The following CLGN variants were observed in gnomAD, a reference collection of about 807,000 sequenced individuals.
CLGN encodes the protein testis tissue sperm-binding protein Li 79P.
A neutral mutation model predicts 79.1 loss-of-function variants in CLGN; 62 were observed. That is an observed-to-expected ratio of 0.78 (90% CI 0.64 to 0.97). The LOEUF is 0.97. CLGN is among the 50% of genes least tolerant of loss of function. CLGN has a pLI of 0.00. For synonymous variants in CLGN, 225 were observed against 224.7 expected (o/e 1.00, Z -0.01); for missense variants, 647 against 715.5 (o/e 0.90, Z 1.09).
intron 14 of CLGN, 28 bp from the exon 15 acceptor site, chr4:140,389,332 C>A: frequency 6.4e-7 from 1 of 1,558,000 alleles, no homozygotes; most frequent in Non-Finnish European, 8.8e-7. Flanking sequence ...GAAAAGGTTT[C>A]TTTTAGTATA....
intron 10 of CLGN, among the ~76,000 whole-genome samples, chr4:140,395,163 T>TG (rs1197523017): frequency 6.6e-6 from 1 of 151,180 alleles, no homozygotes; most frequent in Non-Finnish European, 1.5e-5. Flanking sequence ...TTTTTTGTTT[T>TG]TTTGTTTTGA....
chr4:140,422,457 A>G (rs1485829562), intron 1 of CLGN, among the ~76,000 whole-genome samples: 1 of 152,158 alleles, frequency 6.6e-6, no homozygotes, highest in Non-Finnish European at 1.5e-5. Context: ...ATAATTTTTC[A>G]TGTACAAGTA....
At position 140,393,962 on chromosome 4, in the gene CLGN, G is replaced by A; in HGVS notation, c.1229C>T (p.Ala410Val). Residue 410 changes from alanine (A) to valine (V), a missense_variant, in exon 11 of 15, where the codon GCT becomes GTT. Ala to Val is a moderately conservative substitution (Grantham distance 64, BLOSUM62 0). Coordinates refer to ENST00000325617, the MANE Select transcript of CLGN (RefSeq NM_004362.3). ...DHPFLLTSFSALGLELWSMTS... is the reference protein window; with the variant it reads ...DHPFLLTSFSVLGLELWSMTS... ...CATAGACCAAAGCTCTAAACCAAGA[G>A]CACTGAAAGAAGTCAGAAGAAATGG... 1.2e-6 allele frequency: 2 copies of A among 1,613,680 alleles called. No individual in the cohort carries two copies. Among genetic ancestry groups the A allele is most frequent in the Non-Finnish European group, 8.5e-7 (1 of 1,179,754 alleles).
intron 4 of CLGN, among the ~76,000 whole-genome samples, chr4:140,408,884 T>TATATACAC (rs778910042): frequency 2.7e-4 from 40 of 145,586 alleles, no homozygotes; most frequent in Admixed American, 7.6e-4. Context: ...TATATATATA[T>TATATACAC]ACACACACAC....
intron 6 of CLGN, among the ~76,000 whole-genome samples, chr4:140,401,155 G>A (rs557650835): frequency 3.3e-5 from 5 of 152,246 alleles, no homozygotes; most frequent in East Asian, 3.9e-4. Context: ...CATCACCTCT[G>A]AAGTATGGAG....
intron 6 of CLGN, among the ~76,000 whole-genome samples, chr4:140,401,376 A>T (rs1005188849): frequency 6.6e-6 from 1 of 152,096 alleles, no homozygotes; most frequent in Non-Finnish European, 1.5e-5. Flanking sequence ...TCCCATCTAC[A>T]TTTCATAGCT....
In CLGN at chr4:140,396,920, TATACAC is replaced by T. The variant is rs1445852564; in HGVS notation, c.885-721_885-716del. Among the ~76,000 whole-genome samples, 264 of 132,364 alleles carry T rather than the reference TATACAC, an allele frequency of 2.0e-3. 2 individuals are homozygous for T. The highest frequency in any genetic ancestry group is 4.0e-3 in the South Asian group (17 of 4,260). 86.8% of individuals were successfully genotyped at this position (132,364 alleles called of 152,430 possible). ...ATATATATATATGTATATATATATA[TATACAC>T]ATATATATATATACACATAGCTTCA... is the stretch of plus-strand genomic sequence containing the variant. On this transcript the variant is annotated intron_variant, in intron 8 of 14. Coordinates refer to ENST00000325617, the MANE Select transcript of CLGN (RefSeq NM_004362.3).
chr4:140,413,950 C>T lies in CLGN; in HGVS notation c.-9-863G>A, dbSNP rs535939009. On this transcript the variant is annotated intron_variant, in intron 1 of 14. Transcript: ENST00000325617. Reference sequence around the variant, plus strand: ...TAGCAGTAACCTCTGCAGACTTAAACGTCCCTGTCTGACAGCTTTGAAGAG... The same window carrying T: ...TAGCAGTAACCTCTGCAGACTTAAATGTCCCTGTCTGACAGCTTTGAAGAG... Among the ~76,000 whole-genome samples, 575 of 149,270 alleles carry T rather than the reference C, an allele frequency of 3.9e-3. 4 individuals are homozygous for T. Among genetic ancestry groups the T allele is most frequent in the South Asian group, 0.013 (59 of 4,688 alleles).
chr4:140,407,381 T>C (rs2033874161), intron 4 of CLGN, among the ~76,000 whole-genome samples: 1 of 151,996 alleles, frequency 6.6e-6, no homozygotes, highest in African/African-American at 2.4e-5. Context: ...AACGAGGAAG[T>C]CAAGCTATCA....
At chr4:140,411,940 T>C (rs953593126) in intron 2 of CLGN, among the ~76,000 whole-genome samples, 4 of 152,098 alleles carry the variant, frequency 2.6e-5, no homozygotes, top group Non-Finnish European at 5.9e-5. Flanking sequence ...AAATCATTCT[T>C]TCCCACTTCC....
chr4:140,396,254 T>G (rs1728872400), intron 8 of CLGN, 49 bp from the exon 9 acceptor site: 14 of 1,400,344 alleles, frequency 1.0e-5, no homozygotes, highest in Non-Finnish European at 1.4e-5. Flanking sequence ...AGTTTAAAAA[T>G]GCATGTTACA....
intron 1 of CLGN, among the ~76,000 whole-genome samples, chr4:140,423,319 T>C (rs889201429): frequency 8.5e-5 from 13 of 152,216 alleles, no homozygotes; most frequent in Non-Finnish European, 1.5e-4. Flanking sequence ...CCTCCCTACA[T>C]TGTAAATGTG....
chr4:140,411,329 T>A (rs1188538411), intron 2 of CLGN, among the ~76,000 whole-genome samples: 1 of 152,116 alleles, frequency 6.6e-6, no homozygotes, highest in Non-Finnish European at 1.5e-5. Context: ...AACTTACATA[T>A]AAAGCCAAGA....
intron 1 of CLGN, among the ~76,000 whole-genome samples, chr4:140,423,655 G>C (rs1729511508): frequency 6.6e-6 from 1 of 152,042 alleles, no homozygotes; most frequent in African/African-American, 2.4e-5. Context: ...CCTAGTCCTG[G>C]GCTTTTATCT....
chr4:140,410,117 A>G (rs907503658), intron 3 of CLGN, among the ~76,000 whole-genome samples: 12 of 152,108 alleles, frequency 7.9e-5, no homozygotes, highest in Non-Finnish European at 1.6e-4. Context: ...GTATGATCAC[A>G]GGTAAGGTAC....
At chr4:140,390,271 A>G (rs1728747132) in intron 14 of CLGN, among the ~76,000 whole-genome samples, 1 of 151,806 alleles carries the variant, frequency 6.6e-6, no homozygotes, top group Non-Finnish European at 1.5e-5. Flanking sequence ...GATGTTTTAC[A>G]ACAGCTATAA....
chr4:140,409,755 C>G (rs1488528218), intron 4 of CLGN, 82 bp downstream of exon 4: 1 of 860,010 alleles, frequency 1.2e-6, no homozygotes, highest in Non-Finnish European at 1.8e-6. Context: ...CCAGCCAACA[C>G]AATTTAACAA....
chr4:140,422,545 T>C (rs1729490553), intron 1 of CLGN, among the ~76,000 whole-genome samples: 1 of 152,256 alleles, frequency 6.6e-6, no homozygotes, highest in Non-Finnish European at 1.5e-5. Flanking sequence ...CTTAATTTCC[T>C]GTTCATTGTT....
intron 1 of CLGN, among the ~76,000 whole-genome samples, chr4:140,423,751 T>A (rs542926267): frequency 6.6e-6 from 1 of 152,322 alleles, no homozygotes; most frequent in South Asian, 2.1e-4. Flanking sequence ...TTAATCTTGA[T>A]AGAGTGTGTG....
Sources: gnomAD v4.1 joint callset for allele counts (sites outside exome capture counted in the v4.1 genomes callset) on GRCh38, gnomAD v4.1.1 for gene constraint, MANE v1.5 for transcripts, NCBI Gene and HGNC (gene_info 2026-07-23, HGNC 2026-07-21) for gene names.